KHDRBS2: variants seen among roughly 807,000 people sequenced by gnomAD.
The protein encoded by KHDRBS2 is KH RNA binding domain containing, signal transduction associated 2.
In KHDRBS2, 26 loss-of-function variants were observed where a neutral mutation model predicts 44.3. The ratio of observed to expected loss-of-function variants is 0.59; its 90% confidence interval spans 0.43 to 0.81. The LOEUF (loss-of-function observed/expected upper bound fraction) is 0.81, where lower values mean the gene tolerates loss of function less well. Among genes scored for constraint, KHDRBS2 ranks in the 40% least tolerant of loss-of-function variants. The probability of loss-of-function intolerance (pLI) is 0.00; values close to 1 mark genes in which losing one functional copy is unlikely to be tolerated. For missense variants in KHDRBS2, 476 were observed against 433.1 expected (o/e 1.10, Z -0.88); for synonymous variants, 194 against 151.1 (o/e 1.28, Z -2.08).
intron 5 of KHDRBS2, among the ~76,000 whole-genome samples, chr6:61,896,464 T>C (rs1324045043): frequency 6.6e-6 from 1 of 152,148 alleles, no homozygotes; most frequent in Non-Finnish European, 1.5e-5. Flanking sequence ...ATGATGCTCA[T>C]ATCAAATCTA....
chr6:61,618,694 G>A, the KHDRBS2 span, among the ~76,000 whole-genome samples: 2 of 152,044 alleles, frequency 1.3e-5, no homozygotes, highest in Admixed American at 1.3e-4. Context: ...TCATCATTTA[G>A]CTCCCACTTC....
At position 61,695,268 on chromosome 6, in the gene KHDRBS2, T is replaced by G. The variant is rs373477554; in HGVS notation, c.952+1927A>C. On this transcript the variant is annotated intron_variant, in intron 8 of 8. Transcript: ENST00000281156. Reference sequence around the variant, plus strand: ...AAACCCCCAAATAATCAGACACACTTGAATTCACATTCTTGTTCTGTTACT... The same window carrying G: ...AAACCCCCAAATAATCAGACACACTGGAATTCACATTCTTGTTCTGTTACT... Among the ~76,000 whole-genome samples the G allele has an allele frequency of 2.6e-5, 4 of 152,158 alleles. No homozygotes were observed. In the East Asian group the frequency reaches 7.8e-4, roughly 30 times the overall value.
chr6:61,850,646 A>AT (rs964164361), intron 6 of KHDRBS2, among the ~76,000 whole-genome samples: 8 of 152,140 alleles, frequency 5.3e-5, no homozygotes, highest in African/African-American at 1.7e-4. Flanking sequence ...CACACAGAGA[A>AT]TTTTTTCCAA....
At chr6:62,154,000 C>T (rs1248555970) in intron 2 of KHDRBS2, among the ~76,000 whole-genome samples, 1 of 152,140 alleles carries the variant, frequency 6.6e-6, no homozygotes, top group Non-Finnish European at 1.5e-5. Context: ...TGTTTGGTTT[C>T]TTTGTTTCAC....
rs572431376 is a variant in KHDRBS2, at chr6:61,832,624, T to G, written c.810+62011A>C. Reference sequence around the variant, plus strand: ...CTATCTGTAAGATTCTACTTTAAACTGAGAAGTGTCATGTTAGGCAACTAG... The same window carrying G: ...CTATCTGTAAGATTCTACTTTAAACGGAGAAGTGTCATGTTAGGCAACTAG... On this transcript the variant is annotated intron_variant, in intron 6 of 8. Coordinates refer to ENST00000281156, the MANE Select transcript of KHDRBS2 (RefSeq NM_152688.4). Among the ~76,000 whole-genome samples the G allele has an allele frequency of 1.7e-4, 26 of 151,996 alleles. 1 individual carries two copies. In the South Asian group the frequency reaches 5.4e-3, roughly 32 times the overall value.
chr6:62,001,393 T>G (rs1323688772), intron 3 of KHDRBS2, among the ~76,000 whole-genome samples: 1 of 151,976 alleles, frequency 6.6e-6, no homozygotes, highest in Non-Finnish European at 1.5e-5. Flanking sequence ...ATTTTTTTTT[T>G]TTTACATATT....
intron 2 of KHDRBS2, among the ~76,000 whole-genome samples, chr6:62,089,850 G>A (rs1799164836): frequency 6.6e-6 from 1 of 152,148 alleles, no homozygotes; most frequent in Non-Finnish European, 1.5e-5. Flanking sequence ...TGTAATGTGT[G>A]TAAAGGCTGA....
At chr6:61,551,559 T>C in the KHDRBS2 span, among the ~76,000 whole-genome samples, 1 of 152,160 alleles carries the variant, frequency 6.6e-6, no homozygotes, top group Non-Finnish European at 1.5e-5. Context: ...AAGGGTGGGG[T>C]CCAGTTTCAA....
chr6:62,215,910 A>C (rs1275487562), intron 1 of KHDRBS2, among the ~76,000 whole-genome samples: 1 of 151,866 alleles, frequency 6.6e-6, no homozygotes, highest in Non-Finnish European at 1.5e-5. Flanking sequence ...ACAGGAAAAG[A>C]TTAATATGAT....
chr6:61,626,328 A>C, the KHDRBS2 span, among the ~76,000 whole-genome samples: 2 of 152,184 alleles, frequency 1.3e-5, no homozygotes, highest in Non-Finnish European at 2.9e-5. Context: ...GCAGGTACAG[A>C]GGGTAGGCTG....
intron 2 of KHDRBS2, among the ~76,000 whole-genome samples, chr6:62,092,756 G>C (rs1396256031): frequency 6.6e-6 from 1 of 152,080 alleles, no homozygotes; most frequent in African/African-American, 2.4e-5. Flanking sequence ...GAAAGGGCAA[G>C]GTAATCACTT....
chr6:61,993,592 A>G (rs1776551819), intron 3 of KHDRBS2, among the ~76,000 whole-genome samples: 1 of 147,346 alleles, frequency 6.8e-6, no homozygotes, highest in Non-Finnish European at 1.5e-5. Context: ...TATCTGGAGA[A>G]ATAAGATCAT....
intron 6 of KHDRBS2, among the ~76,000 whole-genome samples, chr6:61,882,132 C>CT (rs577358817): frequency 3.2e-4 from 49 of 152,080 alleles, no homozygotes; most frequent in African/African-American, 1.1e-3. Context: ...GTGAGGTGTT[C>CT]TCCCCCTATA....
At chr6:62,102,854 A>G (rs1404954260) in intron 2 of KHDRBS2, among the ~76,000 whole-genome samples, 1 of 152,076 alleles carries the variant, frequency 6.6e-6, no homozygotes, top group Non-Finnish European at 1.5e-5. Flanking sequence ...TTTGCTCACA[A>G]TGTTTGGTGG....
chr6:61,843,947 G>T (rs1333497617), intron 6 of KHDRBS2, among the ~76,000 whole-genome samples: 1 of 151,824 alleles, frequency 6.6e-6, no homozygotes, highest in Admixed American at 6.6e-5. Flanking sequence ...TCTTTAATAT[G>T]CTTAAGTGTC....
chr6:62,126,068 A>C (rs1471043992), intron 2 of KHDRBS2, among the ~76,000 whole-genome samples: 1 of 152,082 alleles, frequency 6.6e-6, no homozygotes, highest in Non-Finnish European at 1.5e-5. Flanking sequence ...AGCCTTGGCT[A>C]TTGGATGGCA....
At chr6:61,695,043 C>A (rs1424218631) in intron 8 of KHDRBS2, among the ~76,000 whole-genome samples, 2 of 152,030 alleles carry the variant, frequency 1.3e-5, no homozygotes, top group African/African-American at 4.8e-5. Context: ...TAAAAGATCT[C>A]CTTCCCCTTA....
intron 2 of KHDRBS2, among the ~76,000 whole-genome samples, chr6:62,080,122 C>A (rs1025934925): frequency 5.2e-4 from 79 of 152,148 alleles, no homozygotes; most frequent in African/African-American, 1.9e-3. Flanking sequence ...AATAGATTCT[C>A]AATTACATAA....
At chr6:61,893,450 G>GT (rs1802360490) in intron 6 of KHDRBS2, among the ~76,000 whole-genome samples, 1 of 152,152 alleles carries the variant, frequency 6.6e-6, no homozygotes, top group Non-Finnish European at 1.5e-5. Flanking sequence ...ACATGCACAC[G>GT]TATGTTTATT....
Sources: allele counts gnomAD v4.1 joint callset (sites outside exome capture counted in the v4.1 genomes callset), GRCh38; gene constraint gnomAD v4.1.1; transcripts MANE v1.5; gene names NCBI Gene and HGNC (gene_info 2026-07-23, HGNC 2026-07-21).